GREB1L: variants seen among roughly 807,000 people sequenced by gnomAD.
GREB1L encodes the protein GREB1 like retinoic acid receptor coactivator.
Under a neutral mutation model 200.8 loss-of-function variants are expected in GREB1L, and 17 were observed. That is an observed-to-expected ratio of 0.08 (90% CI 0.06 to 0.13). The LOEUF is 0.13. Among genes scored for constraint, GREB1L ranks in the 10% least tolerant of loss-of-function variants. The pLI is 1.00. For synonymous variants in GREB1L, 789 were observed against 893.0 expected, an observed-to-expected ratio of 0.88 and a Z score of 2.08; for missense variants, 1,657 against 2,367.7, an observed-to-expected ratio of 0.70 and a Z score of 6.23.
At chr18:21,374,660 G>T (rs1432973865) in intron 2 of GREB1L, among the ~76,000 whole-genome samples, 2 of 152,026 alleles carry the variant, frequency 1.3e-5, no homozygotes, top group Non-Finnish European at 2.9e-5. Flanking sequence ...CTTTTAGCTT[G>T]TACATGATCT....
chr18:21,497,514 G>A (rs981450903), intron 21 of GREB1L, among the ~76,000 whole-genome samples: 1 of 151,666 alleles, frequency 6.6e-6, no homozygotes, highest in African/African-American at 2.4e-5. Context: ...CATGGTGGCG[G>A]GCGCCTGTAG....
intron 1 of GREB1L, among the ~76,000 whole-genome samples, chr18:21,265,143 A>G (rs1479876369): frequency 6.6e-6 from 1 of 152,230 alleles, no homozygotes; most frequent in African/African-American, 2.4e-5. Flanking sequence ...AAATGTCTGA[A>G]TCAAATACCC....
chr18:21,259,871 T>G (rs1025209794), intron 1 of GREB1L, among the ~76,000 whole-genome samples: 1 of 151,982 alleles, frequency 6.6e-6, no homozygotes, highest in Non-Finnish European at 1.5e-5. Context: ...ATTCCTTTTT[T>G]TTCATGGTGG....
rs1457891575 is a variant in GREB1L at position 21,410,144 on chromosome 18, G to A, written c.832+6150G>A. ...CTCATCCACCATTAGAAGAACACATGTTTTATCCCTTAGCTTGTAGGGAAG... is the reference window on the plus strand; with the variant it reads ...CTCATCCACCATTAGAAGAACACATATTTTATCCCTTAGCTTGTAGGGAAG... On this transcript the variant is annotated intron_variant, in intron 7 of 32. Coordinates refer to ENST00000424526, the MANE Select transcript of GREB1L (RefSeq NM_001142966.3). Among the ~76,000 whole-genome samples the A allele has an allele frequency of 3.3e-5, 5 of 151,970 alleles. No homozygotes were observed. The East Asian group carries it at 9.7e-4, about 29-fold the overall frequency.
intron 27 of GREB1L, among the ~76,000 whole-genome samples, chr18:21,511,797 C>T (rs1415373679): frequency 6.6e-6 from 1 of 152,176 alleles, no homozygotes; most frequent in Non-Finnish European, 1.5e-5. Context: ...TAGGCGTATG[C>T]CACCATGCCT....
At chr18:21,377,567 G>C (rs1217500884) in intron 2 of GREB1L, among the ~76,000 whole-genome samples, 1 of 152,220 alleles carries the variant, frequency 6.6e-6, no homozygotes, top group Non-Finnish European at 1.5e-5. Flanking sequence ...CCTGAGGTCA[G>C]GAGCTTGAGA....
intron 1 of GREB1L, among the ~76,000 whole-genome samples, chr18:21,245,403 T>G (rs113751592): frequency 1.2e-4 from 19 of 152,334 alleles, no homozygotes; most frequent in African/African-American, 4.6e-4. Context: ...ATTGATTGAT[T>G]AATGAAGCTG....
chr18:21,418,757 T>C (rs2031883218), intron 7 of GREB1L, among the ~76,000 whole-genome samples: 1 of 152,206 alleles, frequency 6.6e-6, no homozygotes, highest in Non-Finnish European at 1.5e-5. Context: ...GCTCCTGGCC[T>C]CAAGTCATCC....
In GREB1L at chr18:21,449,531, G is replaced by A. The variant is rs1366270582; in HGVS notation, c.1415G>A (p.Arg472Lys). 4 of 1,547,004 alleles carry A rather than the reference G, an allele frequency of 2.6e-6. 1 individual carries two copies. The South Asian group carries it at 3.6e-5, about 14-fold the overall frequency. The change falls in exon 12 of 33, where the codon AGG (arginine) becomes AAG (lysine). Residue 472 changes from arginine (R) to lysine (K), a missense_variant. Physicochemically the swap from Arg to Lys is conservative, Grantham distance 26. Coordinates refer to ENST00000424526, the MANE Select transcript of GREB1L (RefSeq NM_001142966.3). Reference protein sequence around the residue: ...VRLGPDQVPLREEFEQIMLKA... With the variant: ...VRLGPDQVPLKEEFEQIMLKA... Reference sequence around the variant, plus strand: ...ATAGGTCCTGATCAGGTACCTCTCAGGGAAGAATTTGAGCAAATTATGCTG... The same window carrying A: ...ATAGGTCCTGATCAGGTACCTCTCAAGGAAGAATTTGAGCAAATTATGCTG...
At chr18:21,428,769 G>A (rs1474935913) in intron 7 of GREB1L, among the ~76,000 whole-genome samples, 1 of 132,206 alleles carries the variant, frequency 7.6e-6, no homozygotes, top group Non-Finnish European at 1.5e-5. Flanking sequence ...CCGGGCTGGA[G>A]TGCAATGGCA....
At chr18:21,292,099 T>C (rs950417214) in intron 1 of GREB1L, among the ~76,000 whole-genome samples, 1 of 152,208 alleles carries the variant, frequency 6.6e-6, no homozygotes, top group Non-Finnish European at 1.5e-5. Context: ...TGATGAGTTC[T>C]GTAAAAAATC....
chr18:21,383,516 A>G lies in GREB1L; in HGVS notation c.-3A>G, dbSNP rs746453919. ...TTTTCTTGGGGATGGGTAGGTGTAGATCATGGGGAATTCATATGCTGGGCA... is the reference window on the plus strand; with the variant it reads ...TTTTCTTGGGGATGGGTAGGTGTAGGTCATGGGGAATTCATATGCTGGGCA... On this transcript the variant is annotated 5_prime_UTR_variant, in exon 3 of 33. Coordinates refer to ENST00000424526, the MANE Select transcript of GREB1L (RefSeq NM_001142966.3). 56 of 1,535,544 alleles carry G rather than the reference A, an allele frequency of 3.6e-5. No individual in the cohort carries two copies. In the Middle Eastern group the frequency reaches 1.0e-3, roughly 28 times the overall value.
chr18:21,350,964 C>A (rs887945378), intron 1 of GREB1L, among the ~76,000 whole-genome samples: 6 of 152,080 alleles, frequency 3.9e-5, no homozygotes, highest in Non-Finnish European at 5.9e-5. Flanking sequence ...CATTCTTCTT[C>A]TCTGTTTTTT....
intron 12 of GREB1L, chr18:21,450,505 A>T (rs1386000821): frequency 6.5e-6 from 1 of 152,738 alleles, no homozygotes. Flanking sequence ...ATGTATTTCC[A>T]GAAAGCTTCA....
intron 1 of GREB1L, among the ~76,000 whole-genome samples, chr18:21,272,446 T>C (rs2038093998): frequency 6.6e-6 from 1 of 152,230 alleles, no homozygotes; most frequent in Admixed American, 6.5e-5. Context: ...TAGTTGTCAC[T>C]GAAGACAGCT....
In GREB1L at chr18:21,452,051, CT is replaced by C. The variant is rs574496309; in HGVS notation, c.1850-30del. ...TAAAAATGAAACAAACATATCCTTC[CT>C]TGTAACCTTCTTATCTCTATTTTGT... On this transcript the variant is annotated intron_variant, in intron 13 of 32. Transcript: ENST00000424526. 5,771 of 1,548,338 alleles carry C rather than the reference CT, an allele frequency of 3.7e-3. 8 individuals carry two copies. Among genetic ancestry groups the C allele is most frequent in the Non-Finnish European group, 4.8e-3 (5,473 of 1,145,054 alleles).
At chr18:21,522,004 C>CAAA (rs59115973) in intron 32 of GREB1L, among the ~76,000 whole-genome samples, 6 of 30,984 alleles carry the variant, frequency 1.9e-4, no homozygotes, top group East Asian at 2.5e-3. Context: ...ACTCCGTCTC[C>CAAA]AAAAAAAAAA....
In GREB1L at chr18:21,444,400, G is replaced by T; in HGVS notation, c.1384G>T (p.Val462Leu). 5.2e-6 allele frequency: 8 copies of T among 1,551,350 alleles called. No individual in the cohort carries two copies. The highest frequency in any genetic ancestry group is 7.0e-6 in the Non-Finnish European group (8 of 1,146,558). The stretch of plus-strand genomic sequence containing the variant: ...GATTCTTCTGACGATACAGTATCTT[G>T]TGCGGCTGGGTAAGTCATTTTCCAT... The part of the protein sequence containing the change: ...NMILLTIQYL[V>L]RLGPDQVPLR... Residue 462 changes from valine to leucine, a missense_variant, in exon 11 of 33, where the codon GTG (valine) becomes TTG (leucine). Physicochemically the swap from Val to Leu is conservative, Grantham distance 32. This residue lies in a region of GREB1L where 289 missense variants were observed against 345.1 expected (regional missense o/e 0.84). Transcript: ENST00000424526.
chr18:21,438,216 C>T (rs183338335), intron 7 of GREB1L, among the ~76,000 whole-genome samples: 152 of 152,096 alleles, frequency 1.0e-3, no homozygotes, highest in Non-Finnish European at 1.9e-3. Flanking sequence ...AAGACTGCAG[C>T]GAGCTGTGAT....
Sources: allele counts gnomAD v4.1 joint callset (sites outside exome capture counted in the v4.1 genomes callset), GRCh38; gene constraint gnomAD v4.1.1; regional missense constraint gnomAD v4.1.1; transcripts MANE v1.5; gene names NCBI Gene and HGNC (gene_info 2026-07-23, HGNC 2026-07-21).